PLCE1: variants seen among roughly 807,000 people sequenced by gnomAD.
The protein encoded by PLCE1 is phospholipase C epsilon 1.
Under a neutral mutation model 242.8 loss-of-function variants are expected in PLCE1, and 119 were observed. The ratio of observed to expected loss-of-function variants is 0.49; its 90% CI spans 0.42 to 0.57. The LOEUF (loss-of-function observed/expected upper bound fraction) is 0.57. Ranked by LOEUF, PLCE1 falls within the 20% of genes least tolerant of loss-of-function variation. The pLI is 0.00. For synonymous variants in PLCE1, 945 were observed against 1,017.4 expected, an observed-to-expected ratio of 0.93 and a Z score of 1.35; for missense variants, 2,441 against 2,788.8, an observed-to-expected ratio of 0.88 and a Z score of 2.81.
At chr10:94,029,071 T>C (rs1271660623) in intron 1 of PLCE1, among the ~76,000 whole-genome samples, 4 of 152,058 alleles carry the variant, frequency 2.6e-5, no homozygotes, top group South Asian at 2.1e-4. Flanking sequence ...TTCAGCCTGG[T>C]AACAGAATGG....
Position 94,234,101 on chromosome 10 carries a change from T to C in PLCE1, c.2003T>C (p.Ile668Thr). The change falls in exon 6 of 33, where the codon ATT becomes ACT. Residue 668 changes from isoleucine (I) to threonine (T), a missense_variant. Coordinates refer to ENST00000371380, the MANE Select transcript of PLCE1 (RefSeq NM_016341.4). ...KMWQFMDQSDIETMRSLKDAM... is the reference protein window; with the variant it reads ...KMWQFMDQSDTETMRSLKDAM... ...TGGCAGTTCATGGACCAGTCTGATA[T>C]TGAGACCATGAGGAGCCTGAAGGAT... is the stretch of plus-strand genomic sequence containing the variant. 1.9e-6 allele frequency: 3 copies of C among 1,613,884 alleles called. No individual in the cohort carries two copies. Among genetic ancestry groups the C allele is most frequent in the South Asian group, 2.2e-5 (2 of 91,078 alleles).
chr10:94,274,331 G>A (rs2051866045), intron 19 of PLCE1, among the ~76,000 whole-genome samples: 1 of 152,204 alleles, frequency 6.6e-6, no homozygotes, highest in African/African-American at 2.4e-5. Context: ...ACTTAGGAGG[G>A]CACTGTTGGT....
chr10:94,323,043 A>C (rs1278605644), intron 30 of PLCE1, among the ~76,000 whole-genome samples: 2 of 152,196 alleles, frequency 1.3e-5, no homozygotes, highest in Non-Finnish European at 2.9e-5. Context: ...GTGAGTTTGG[A>C]TCTCTATAAA....
intron 2 of PLCE1, among the ~76,000 whole-genome samples, chr10:94,115,472 G>C (rs919655119): frequency 3.3e-5 from 5 of 152,206 alleles, no homozygotes; most frequent in African/African-American, 1.2e-4. Context: ...ACTGGTGTGA[G>C]ATTGTATCTC....
intron 4 of PLCE1, among the ~76,000 whole-genome samples, chr10:94,223,514 A>G (rs889675113): frequency 7.9e-5 from 12 of 152,234 alleles, no homozygotes; most frequent in Non-Finnish European, 1.3e-4. Context: ...TGTGACACCA[A>G]TAAGGTATTT....
chr10:94,192,760 C>T (rs145109658), intron 4 of PLCE1, among the ~76,000 whole-genome samples: 1 of 152,302 alleles, frequency 6.6e-6, no homozygotes, highest in East Asian at 1.9e-4. Context: ...CTCTAAACTA[C>T]TTTTCACAGT....
At chr10:94,011,340 G>C (rs551958453) in intron 1 of PLCE1, among the ~76,000 whole-genome samples, 2 of 152,084 alleles carry the variant, frequency 1.3e-5, no homozygotes, top group Non-Finnish European at 2.9e-5. Flanking sequence ...TAAGGGGATG[G>C]CATTAAACCA....
intron 18 of PLCE1, 41 bp from the exon 19 acceptor site, chr10:94,273,521 A>C (rs190041896): frequency 6.4e-7 from 1 of 1,553,284 alleles, no homozygotes; most frequent in Non-Finnish European, 8.9e-7. Context: ...TCAATTATAG[A>C]TAAAAGGCAT....
At chr10:94,046,758 C>G (rs2061892555) in intron 2 of PLCE1, among the ~76,000 whole-genome samples, 1 of 152,190 alleles carries the variant, frequency 6.6e-6, no homozygotes, top group African/African-American at 2.4e-5. Context: ...TGACCTGGCA[C>G]TTACTATTTA....
chr10:94,108,841 T>C (rs2045852515), intron 2 of PLCE1: 2 of 152,226 alleles, frequency 1.3e-5, no homozygotes, highest in Admixed American at 1.3e-4. Context: ...CAAAGCACAA[T>C]ACATCATACA....
chr10:93,996,400 G>A (rs2060822721), intron 1 of PLCE1, among the ~76,000 whole-genome samples: 1 of 152,218 alleles, frequency 6.6e-6, no homozygotes, highest in East Asian at 1.9e-4. Context: ...GTTGAGGCGA[G>A]GGAAGACAGG....
chr10:94,186,530 G>T (rs911083972), intron 4 of PLCE1, among the ~76,000 whole-genome samples: 1 of 152,144 alleles, frequency 6.6e-6, no homozygotes, highest in Non-Finnish European at 1.5e-5. Flanking sequence ...TTCATATTCA[G>T]ATTTGATAAA....
Position 94,245,854 on chromosome 10 carries a change from G to A in PLCE1, c.2421-92G>A, listed in dbSNP as rs754796424. On this transcript the variant is annotated intron_variant, in intron 7 of 32. Coordinates refer to ENST00000371380, the MANE Select transcript of PLCE1 (RefSeq NM_016341.4). ...CTATGCTAATTTGAATTCATAGTGC[G>A]ATGAAAAATAAAGCCCAGTGTCAGT... 66 of 962,862 alleles carry A rather than the reference G, an allele frequency of 6.9e-5. 1 individual carries two copies. The highest frequency in any genetic ancestry group is 8.6e-5 in the Non-Finnish European group (51 of 591,064). 59.6% of individuals were successfully genotyped at this position (962,862 alleles called of 1,614,324 possible). A position where few individuals can be genotyped will look rare whatever the true frequency, so the allele number is the denominator to read the frequency against.
chr10:94,208,269 C>A (rs1351138247), intron 4 of PLCE1, among the ~76,000 whole-genome samples: 1 of 152,226 alleles, frequency 6.6e-6, no homozygotes, highest in Non-Finnish European at 1.5e-5. Context: ...ATGCACCAAG[C>A]AGAGCCCAGC....
intron 2 of PLCE1, among the ~76,000 whole-genome samples, chr10:94,130,645 C>T (rs960072012): frequency 1.7e-4 from 26 of 152,310 alleles, no homozygotes; most frequent in African/African-American, 6.0e-4. Flanking sequence ...ATCTCCATGG[C>T]CATGCTGGCC....
chr10:94,078,430 T>C (rs867981470), intron 2 of PLCE1, among the ~76,000 whole-genome samples: 2 of 152,220 alleles, frequency 1.3e-5, no homozygotes, highest in African/African-American at 2.4e-5. Context: ...TGCCTTGTGC[T>C]TTTCCGTACA....
rs143725892 is a variant in PLCE1, at chr10:94,177,865, C to G, written c.1809+6369C>G. ...AGGTGAAAAGAGAGGAGAGGCAAATCGAGATTGCAGGGCATCCTTCCTCCC... is the reference window on the plus strand; with the variant it reads ...AGGTGAAAAGAGAGGAGAGGCAAATGGAGATTGCAGGGCATCCTTCCTCCC... On this transcript the variant is annotated intron_variant, in intron 4 of 32. Coordinates refer to ENST00000371380, the MANE Select transcript of PLCE1 (RefSeq NM_016341.4). Among the ~76,000 whole-genome samples, 957 of 152,286 alleles carry G rather than the reference C, an allele frequency of 6.3e-3. 5 individuals carry two copies. Among genetic ancestry groups the G allele is most frequent in the Non-Finnish European group, 8.8e-3 (600 of 68,024 alleles).
chr10:94,049,529 C>T (rs564000973), intron 2 of PLCE1, among the ~76,000 whole-genome samples: 1 of 152,266 alleles, frequency 6.6e-6, no homozygotes, highest in South Asian at 2.1e-4. Context: ...GAAGTCCTAA[C>T]AACATTTTTT....
chr10:94,008,191 CAAAAAA>C (rs745999207), intron 1 of PLCE1, among the ~76,000 whole-genome samples: 2 of 55,210 alleles, frequency 3.6e-5, no homozygotes, highest in Non-Finnish European at 7.1e-5. Flanking sequence ...GACCTTGTCT[CAAAAAA>C]AAAAAAAAAA....
Sources: allele counts gnomAD v4.1 joint callset (sites outside exome capture counted in the v4.1 genomes callset), GRCh38; gene constraint gnomAD v4.1.1; transcripts MANE v1.5; gene names NCBI Gene and HGNC (gene_info 2026-07-23, HGNC 2026-07-21).